The following YIPF7 variants were observed in gnomAD, a reference collection of about 807,000 sequenced individuals.
The protein encoded by YIPF7 is Yip1 domain family member 7.
Under a neutral mutation model 27.2 loss-of-function variants are expected in YIPF7, and 35 were observed. The ratio of observed to expected loss-of-function variants is 1.29; its 90% CI spans 0.98 to 1.70. YIPF7 has a LOEUF of 1.70. YIPF7 is among the 40% of genes most tolerant of loss of function. The probability of loss-of-function intolerance (pLI) is 0.00; values close to 1 mark genes in which losing one functional copy is unlikely to be tolerated. For missense variants in YIPF7, 358 were observed against 303.7 expected, an observed-to-expected ratio of 1.18 and a Z score of -1.33; for synonymous variants, 137 against 110.4, an observed-to-expected ratio of 1.24 and a Z score of -1.51.
chr4:44,636,081 G>C lies in YIPF7; in HGVS notation c.121C>G (p.Gln41Glu), dbSNP rs759032049. 6 of 1,601,056 alleles carry C rather than the reference G, an allele frequency of 3.7e-6. No homozygotes were observed. The highest frequency in any genetic ancestry group is 3.4e-5 in the South Asian group (3 of 89,472). Residue 41 changes from glutamine to glutamate, a missense_variant, in exon 3 of 6, where the codon CAA (glutamine) becomes GAA (glutamate). Gln to Glu is a conservative substitution (Grantham distance 29). Coordinates refer to ENST00000415895, the MANE Select transcript of YIPF7 (RefSeq NM_182592.3). ...GCAGGCTGAGGCTGCTCACCAGCTT[G>C]TTGTCTAGAAAAAGAAAAATACAAA... is the stretch of plus-strand genomic sequence containing the variant. ...YGNLYGSRKQ[Q>E]AGEQPQPASF...
chr4:44,644,169 C>A (rs753348358), intron 2 of YIPF7, among the ~76,000 whole-genome samples: 2 of 152,128 alleles, frequency 1.3e-5, no homozygotes, highest in African/African-American at 2.4e-5. Context: ...GCCTTGGGAG[C>A]CTACCTCTTG....
chr4:44,629,148 T>C, intron 4 of YIPF7: 1 of 315,654 alleles, frequency 3.2e-6, no homozygotes, highest in Non-Finnish European at 5.6e-6. Context: ...CTTTTCTTAA[T>C]AACAAAAAAG....
chr4:44,631,562 T>C (rs1334384621), intron 3 of YIPF7, among the ~76,000 whole-genome samples: 1 of 152,126 alleles, frequency 6.6e-6, no homozygotes, highest in Non-Finnish European at 1.5e-5. Context: ...TCTACTCATT[T>C]CATGCCCAGA....
intron 2 of YIPF7, among the ~76,000 whole-genome samples, chr4:44,657,616 G>A (rs561982251): frequency 6.6e-6 from 1 of 152,266 alleles, no homozygotes; most frequent in South Asian, 2.1e-4. Flanking sequence ...CGATGAGTAT[G>A]TAGTGAAAAA....
intron 3 of YIPF7, among the ~76,000 whole-genome samples, chr4:44,632,444 T>C (rs928979204): frequency 1.3e-5 from 2 of 152,220 alleles, no homozygotes; most frequent in African/African-American, 4.8e-5. Flanking sequence ...ATTTTTCGTA[T>C]CTGACAGACT....
At chr4:44,651,015 T>G (rs1239061985) in intron 1 of YIPF7, among the ~76,000 whole-genome samples, 5 of 152,216 alleles carry the variant, frequency 3.3e-5, no homozygotes, top group Non-Finnish European at 7.3e-5. Flanking sequence ...CCTTGTTATT[T>G]TAAAAGAGTG....
intron 1 of YIPF7, among the ~76,000 whole-genome samples, chr4:44,650,496 C>CGT (rs1440088507): frequency 9.2e-6 from 1 of 108,602 alleles, no homozygotes; most frequent in Admixed American, 1.1e-4. Context: ...CACACACATG[C>CGT]GCGCGCGCGC....
chr4:44,656,631 T>C (rs1713908233), intron 2 of YIPF7, among the ~76,000 whole-genome samples: 1 of 152,078 alleles, frequency 6.6e-6, no homozygotes, highest in Non-Finnish European at 1.5e-5. Context: ...TGAAACTGGA[T>C]CAACAGCAAG....
chr4:44,649,587 A>G (rs1384055169), intron 2 of YIPF7, among the ~76,000 whole-genome samples: 1 of 151,656 alleles, frequency 6.6e-6, no homozygotes, highest in Admixed American at 6.6e-5. Context: ...TCTGGGCAAC[A>G]TGGCCAAATC....
intron 2 of YIPF7, among the ~76,000 whole-genome samples, chr4:44,644,465 A>G (rs1002348480): frequency 6.6e-6 from 1 of 152,232 alleles, no homozygotes; most frequent in African/African-American, 2.4e-5. Flanking sequence ...ATTTGCTTTA[A>G]GATTTAATGA....
At chr4:44,659,873 G>A (rs1402347933) in intron 2 of YIPF7, among the ~76,000 whole-genome samples, 1 of 151,822 alleles carries the variant, frequency 6.6e-6, no homozygotes, top group Non-Finnish European at 1.5e-5. Flanking sequence ...CAGCACTTTG[G>A]GAGGCCAAGG....
chr4:44,649,874 A>G, intron 2 of YIPF7, 111 bp downstream of exon 2: 2 of 649,986 alleles, frequency 3.1e-6, no homozygotes, highest in South Asian at 2.2e-5. Context: ...GGCAAGAAAG[A>G]TCAGACCCTT....
upstream of YIPF7, among the ~76,000 whole-genome samples, chr4:44,651,930 A>T (rs1713751423): frequency 6.6e-6 from 1 of 152,208 alleles, no homozygotes; most frequent in Non-Finnish European, 1.5e-5. Flanking sequence ...CATTTCATGG[A>T]TTTCCTAATA....
At position 44,649,996 on chromosome 4, in the gene YIPF7, A is replaced by C; in HGVS notation, c.105T>G (p.Tyr35Ter). 1 of 1,538,036 alleles carries C rather than the reference A, an allele frequency of 6.5e-7. No individual in the cohort carries two copies. Among genetic ancestry groups the C allele is most frequent in the Non-Finnish European group, 8.8e-7 (1 of 1,132,010 alleles). ...GNDSNAYGNLYGSRKQQAGEQ... is the reference protein window; with the variant it reads ...GNDSNAYGNL ...TATTAAGTACTTACTTTCTAGATCC[A>C]TAAAGATTTCCATAGGCATTAGAGT... Residue 35 changes from tyrosine (Y) to a stop codon, truncating the protein, a stop_gained, in exon 2 of 6, where the codon TAT becomes TAG. Transcript: ENST00000415895. LOFTEE classifies it high-confidence loss of function.
chr4:44,641,058 C>T (rs536819431), intron 2 of YIPF7, among the ~76,000 whole-genome samples: 1 of 152,060 alleles, frequency 6.6e-6, no homozygotes, highest in Non-Finnish European at 1.5e-5. Flanking sequence ...AGTCAAGGTG[C>T]TCTCCCATAA....
intron 4 of YIPF7, among the ~76,000 whole-genome samples, chr4:44,625,665 A>C (rs1216575624): frequency 6.6e-6 from 1 of 152,190 alleles, no homozygotes; most frequent in Non-Finnish European, 1.5e-5. Flanking sequence ...AAACTCATAA[A>C]AACAGCCATT....
intron 2 of YIPF7, among the ~76,000 whole-genome samples, chr4:44,641,394 C>T (rs906367112): frequency 6.6e-6 from 1 of 152,054 alleles, no homozygotes; most frequent in Non-Finnish European, 1.5e-5. Context: ...TCAACTTTGC[C>T]AAGCCATAAT....
chr4:44,625,720 A>C (rs1296221865), intron 4 of YIPF7, among the ~76,000 whole-genome samples: 1 of 152,230 alleles, frequency 6.6e-6, no homozygotes, highest in Non-Finnish European at 1.5e-5. Flanking sequence ...CAATAAATTC[A>C]TTCAGAGAAC....
chr4:44,646,281 T>A (rs1029224840), intron 2 of YIPF7, among the ~76,000 whole-genome samples: 1 of 152,198 alleles, frequency 6.6e-6, no homozygotes, highest in African/African-American at 2.4e-5. Flanking sequence ...ATGAGTTTGG[T>A]GGTAGCATGA....
Sources: gnomAD v4.1 joint callset for allele counts (sites outside exome capture counted in the v4.1 genomes callset) on GRCh38, gnomAD v4.1.1 for gene constraint, MANE v1.5 for transcripts, NCBI Gene and HGNC (gene_info 2026-07-23, HGNC 2026-07-21) for gene names.